NTN1: variants seen among roughly 807,000 people sequenced by gnomAD.
NTN1 encodes netrin 1.
In NTN1, 11 loss-of-function variants were observed where a neutral mutation model predicts 54.2. The ratio of observed to expected loss-of-function variants is 0.20; its 90% CI spans 0.13 to 0.34. The LOEUF (loss-of-function observed/expected upper bound fraction) is 0.34, where lower values mean the gene tolerates loss of function less well. Among genes scored for constraint, NTN1 ranks in the 10% least tolerant of loss-of-function variants. The pLI, the probability that NTN1 is intolerant of heterozygous loss-of-function variation, is 1.00. For missense variants in NTN1, 740 were observed against 893.1 expected (o/e 0.83, Z 2.18); for synonymous variants, 371 against 382.0 (o/e 0.97, Z 0.33).
chr17:9,126,654 A>C (rs913545366), intron 2 of NTN1, among the ~76,000 whole-genome samples: 1 of 151,956 alleles, frequency 6.6e-6, no homozygotes, highest in Non-Finnish European at 1.5e-5. Context: ...GCTGTTGGGG[A>C]AGGTTCTGGA....
At chr17:9,032,871 G>A (rs1420445184) in intron 2 of NTN1, among the ~76,000 whole-genome samples, 2 of 151,926 alleles carry the variant, frequency 1.3e-5, no homozygotes, top group African/African-American at 4.8e-5. Flanking sequence ...AGAACCGGGA[G>A]AGAATTCACG....
chr17:9,131,826 CG>C lies in NTN1; in HGVS notation c.1019-30985del, dbSNP rs576923424. 1.5e-3 allele frequency among the ~76,000 whole-genome samples: 225 copies of C among 150,508 alleles called. 1 individual carries two copies. Among genetic ancestry groups the C allele is most frequent in the African/African-American group, 5.0e-3 (203 of 40,894 alleles). On this transcript the variant is annotated intron_variant, in intron 2 of 6. Coordinates refer to ENST00000173229, the MANE Select transcript of NTN1 (RefSeq NM_004822.3). Reference sequence around the variant, plus strand: ...TTTTTTATTATTATCATTTTTAAGACGGAGTCTTGCTCTGTTGCCCAGGCTG... The same window carrying C: ...TTTTTTATTATTATCATTTTTAAGACGAGTCTTGCTCTGTTGCCCAGGCTG...
At chr17:9,169,108 C>T (rs192983890) in intron 3 of NTN1, among the ~76,000 whole-genome samples, 22 of 151,740 alleles carry the variant, frequency 1.4e-4, no homozygotes, top group African/African-American at 4.3e-4. Flanking sequence ...ACCTTACCTA[C>T]GTATTTGGCT....
chr17:9,009,367 T>C, the NTN1 span, among the ~76,000 whole-genome samples: 3 of 152,238 alleles, frequency 2.0e-5, no homozygotes, highest in Admixed American at 2.0e-4. Context: ...AGTGGCTCCC[T>C]GGGCGAGGTC....
At chr17:9,036,465 GTC>G (rs2091904073) in intron 2 of NTN1, among the ~76,000 whole-genome samples, 2 of 139,524 alleles carry the variant, frequency 1.4e-5, no homozygotes, top group Admixed American at 1.6e-4. Flanking sequence ...GTGCAATCAC[GTC>G]TCACTGCAGC....
intron 6 of NTN1, among the ~76,000 whole-genome samples, chr17:9,229,947 C>T (rs374584530): frequency 5.3e-5 from 8 of 152,142 alleles, no homozygotes; most frequent in African/African-American, 1.7e-4. Flanking sequence ...TGGCTCAGCC[C>T]TTGTCCAGTC....
intron 2 of NTN1, among the ~76,000 whole-genome samples, chr17:9,071,237 A>G (rs1049603054): frequency 6.6e-6 from 1 of 152,006 alleles, no homozygotes; most frequent in African/African-American, 2.4e-5. Context: ...TGTAACACGG[A>G]TCGTGTGAAC....
rs1488935315 is a variant in NTN1, at chr17:9,240,107, G to A, written c.*139G>A. The A allele has an allele frequency of 1.2e-5, 3 of 241,726 alleles. No individual in the cohort carries two copies. Among genetic ancestry groups the A allele is most frequent in the Admixed American group, 6.3e-5 (1 of 15,902 alleles). The allele number at this position is 241,726 out of a possible 1,614,324, so 15.0% of individuals were successfully genotyped here. A position where few individuals can be genotyped will look rare whatever the true frequency, so the allele number is the denominator to read the frequency against. The stretch of plus-strand genomic sequence containing the variant: ...GAGGGAGGGGGCGGGGCCGCACGGC[G>A]CGGGGGGCGGGACCCTCGGCGGCCC... On this transcript the variant is annotated 3_prime_UTR_variant, in exon 7 of 7. Transcript: ENST00000173229.
chr17:9,040,336 T>A (rs909554017), intron 2 of NTN1, among the ~76,000 whole-genome samples: 1 of 152,142 alleles, frequency 6.6e-6, no homozygotes, highest in African/African-American at 2.4e-5. Flanking sequence ...TTCAGAAGAG[T>A]TTACTTCTAT....
At chr17:9,192,260 G>A (rs7223788) in intron 5 of NTN1, among the ~76,000 whole-genome samples, 92,937 of 152,058 alleles carry the variant, frequency 0.61, 28,835 homozygotes, top group Middle Eastern at 0.72. Context: ...ACAAAAGAGA[G>A]ACACAACCTA....
chr17:9,158,937 G>C (rs2092350605), intron 2 of NTN1, among the ~76,000 whole-genome samples: 1 of 152,148 alleles, frequency 6.6e-6, no homozygotes, highest in South Asian at 2.1e-4. Context: ...ATCCCACACT[G>C]CTTTTTCTAG....
intron 5 of NTN1, among the ~76,000 whole-genome samples, chr17:9,218,239 G>C (rs1227852382): frequency 6.6e-6 from 1 of 152,224 alleles, no homozygotes; most frequent in South Asian, 2.1e-4. Context: ...AGCAGGGACT[G>C]GGCTGCCAGA....
upstream of NTN1, among the ~76,000 whole-genome samples, chr17:9,019,715 A>G (rs909303601): frequency 1.3e-5 from 2 of 152,204 alleles, no homozygotes; most frequent in Non-Finnish European, 1.5e-5. Flanking sequence ...GAACCCAGGT[A>G]CCCTGGCTCC....
At chr17:9,216,361 C>T (rs1217093926) in intron 5 of NTN1, among the ~76,000 whole-genome samples, 2 of 152,222 alleles carry the variant, frequency 1.3e-5, no homozygotes, top group African/African-American at 4.8e-5. Context: ...CCCTTACTGC[C>T]TTTCTTCTCC....
intron 2 of NTN1, among the ~76,000 whole-genome samples, chr17:9,117,771 C>CAAA (rs11414930): frequency 0.014 from 1,756 of 126,728 alleles, 23 homozygotes; most frequent in Non-Finnish European, 0.017. Flanking sequence ...ACAAAAAAAC[C>CAAA]AAAAAAAAAA....
At chr17:9,228,988 GTGAC>G (rs1905703293) in intron 6 of NTN1, among the ~76,000 whole-genome samples, 2 of 152,100 alleles carry the variant, frequency 1.3e-5, no homozygotes, top group East Asian at 1.9e-4. Flanking sequence ...GAGACTGTGT[GTGAC>G]TGATTCTGTG....
chr17:9,034,919 G>C, intron 2 of NTN1, among the ~76,000 whole-genome samples: 1 of 151,976 alleles, frequency 6.6e-6, no homozygotes, highest in Admixed American at 6.6e-5. Context: ...CACCATACAT[G>C]GGTTTTGATT....
chr17:9,237,686 C>T (rs1463903151), intron 6 of NTN1, among the ~76,000 whole-genome samples: 1 of 152,208 alleles, frequency 6.6e-6, no homozygotes. Flanking sequence ...ATCCCGAGCT[C>T]ATTCGTATTC....
intron 2 of NTN1, among the ~76,000 whole-genome samples, chr17:9,157,442 T>C (rs1433454027): frequency 6.6e-6 from 1 of 152,154 alleles, no homozygotes. Context: ...AAGGCAGGAA[T>C]GTTGAGAGGT....
Sources: gnomAD v4.1 joint callset for allele counts (sites outside exome capture counted in the v4.1 genomes callset) on GRCh38, gnomAD v4.1.1 for gene constraint, MANE v1.5 for transcripts, NCBI Gene and HGNC (gene_info 2026-07-23, HGNC 2026-07-21) for gene names.